TENM2: variants seen among roughly 807,000 people sequenced by gnomAD.
The protein encoded by TENM2 is teneurin-2.
A neutral mutation model predicts 245.2 loss-of-function variants in TENM2; 52 were observed. The observed-to-expected ratio is 0.21, with a 90% confidence interval of 0.17 to 0.27. The LOEUF is 0.27. TENM2 is among the 10% of genes least tolerant of loss of function. The probability of loss-of-function intolerance (pLI) is 1.00; values close to 1 mark genes in which losing one functional copy is unlikely to be tolerated. For missense variants in TENM2, 3,046 were observed against 3,666.8 expected (o/e 0.83, Z 4.37); for synonymous variants, 1,363 against 1,438.9 (o/e 0.95, Z 1.19).
chr5:167,542,950 T>G (rs1406200868), intron 2 of TENM2, among the ~76,000 whole-genome samples: 1 of 152,184 alleles, frequency 6.6e-6, no homozygotes, highest in East Asian at 1.9e-4. Context: ...ATGACTATAT[T>G]TGTCTCCAAG....
At chr5:168,200,093 C>T (rs779636997) in exon 17 of TENM2, 11 of 1,613,564 alleles carry the variant, frequency 6.8e-6, no homozygotes, top group Admixed American at 5.0e-5. Context: ...AAGACAGATG[C>T]GTATGGCCAA....
chr5:166,996,015 T>A, the TENM2 span, among the ~76,000 whole-genome samples: 5 of 151,856 alleles, frequency 3.3e-5, no homozygotes, highest in Admixed American at 6.6e-5. Context: ...AATTAAAAAA[T>A]TTGCTATACC....
chr5:168,203,646 T>G, intron 17 of TENM2, 43 bp from the exon 20 acceptor site: 1 of 1,533,328 alleles, frequency 6.5e-7, no homozygotes, highest in Non-Finnish European at 8.9e-7. Context: ...TCAAGTAAAC[T>G]CTCTCTTTTC....
intron 2 of TENM2, among the ~76,000 whole-genome samples, chr5:167,564,469 A>AG: frequency 1.3e-5 from 2 of 152,286 alleles, no homozygotes; most frequent in East Asian, 3.9e-4. Context: ...GATGGCTTTG[A>AG]GGAGGAGTAA....
intron 2 of TENM2, among the ~76,000 whole-genome samples, chr5:167,616,493 C>T (rs1268856842): frequency 6.6e-6 from 1 of 152,016 alleles, no homozygotes; most frequent in Non-Finnish European, 1.5e-5. Context: ...TCCTGAAAAC[C>T]CTCTTTTGGT....
At chr5:167,816,864 T>C (rs1049675461) in intron 2 of TENM2, among the ~76,000 whole-genome samples, 1 of 152,176 alleles carries the variant, frequency 6.6e-6, no homozygotes, top group Non-Finnish European at 1.5e-5. Flanking sequence ...GTTCAACTTA[T>C]TGCTGGCTCT....
At chr5:167,110,593 G>A in the TENM2 span, among the ~76,000 whole-genome samples, 5 of 152,152 alleles carry the variant, frequency 3.3e-5, no homozygotes, top group Non-Finnish European at 7.4e-5. Context: ...TAATTGATTG[G>A]GTAGTAAGTA....
the TENM2 span, among the ~76,000 whole-genome samples, chr5:167,238,847 T>A: frequency 6.6e-6 from 1 of 152,218 alleles, no homozygotes; most frequent in Non-Finnish European, 1.5e-5. Context: ...TGATCATAGA[T>A]TAAAGTTGCT....
At chr5:167,709,727 C>A (rs1430072694) in intron 2 of TENM2, among the ~76,000 whole-genome samples, 1 of 152,134 alleles carries the variant, frequency 6.6e-6, no homozygotes, top group Non-Finnish European at 1.5e-5. Context: ...TGTTGACACC[C>A]CAAAGTTTTA....
chr5:167,432,842 T>C (rs1273203761), intron 2 of TENM2, among the ~76,000 whole-genome samples: 1 of 152,140 alleles, frequency 6.6e-6, no homozygotes, highest in African/African-American at 2.4e-5. Flanking sequence ...AGATGGAATA[T>C]AACCCTTGAC....
chr5:167,963,706 G>C (rs1257960092), intron 4 of TENM2, among the ~76,000 whole-genome samples: 1 of 152,108 alleles, frequency 6.6e-6, no homozygotes, highest in East Asian at 1.9e-4. Context: ...TGGGGAGTGG[G>C]TCCTTTCCTC....
chr5:168,258,619 G>A (rs1767903744), intron 27 of TENM2, among the ~76,000 whole-genome samples: 2 of 152,184 alleles, frequency 1.3e-5, no homozygotes, highest in African/African-American at 4.8e-5. Flanking sequence ...ATCATGCTGA[G>A]TGAAAGAAGC....
chr5:167,178,770 TCAA>T, the TENM2 span, among the ~76,000 whole-genome samples: 1 of 152,124 alleles, frequency 6.6e-6, no homozygotes, highest in African/African-American at 2.4e-5. Flanking sequence ...GTCAAGTATC[TCAA>T]CAGAGGGAAA....
exon 1 of TENM2, chr5:167,284,799 CT>C: frequency 6.7e-7 from 1 of 1,498,394 alleles, no homozygotes. Flanking sequence ...TCAGGCCTGA[CT>C]TTTCTGAAAA....
intron 2 of TENM2, among the ~76,000 whole-genome samples, chr5:167,385,795 A>G (rs1761393882): frequency 6.6e-6 from 1 of 151,516 alleles, no homozygotes. Flanking sequence ...ACTTAGAATA[A>G]TGCTGTGAAA....
chr5:167,246,167 C>G, the TENM2 span, among the ~76,000 whole-genome samples: 38,167 of 151,970 alleles, frequency 0.25, 5,654 homozygotes, highest in East Asian at 0.46. Flanking sequence ...GGGACACAGA[C>G]TTTCCCAAGT....
At chr5:167,914,206 A>G (rs1776756767) in intron 3 of TENM2, among the ~76,000 whole-genome samples, 1 of 152,228 alleles carries the variant, frequency 6.6e-6, no homozygotes, top group South Asian at 2.1e-4. Flanking sequence ...AAATTACCAC[A>G]GTGATGTGGC....
At chr5:167,810,220 G>A (rs893655454) in intron 2 of TENM2, among the ~76,000 whole-genome samples, 1 of 151,976 alleles carries the variant, frequency 6.6e-6, no homozygotes, top group African/African-American at 2.4e-5. Context: ...TGCATACTCT[G>A]GGAGAAAAAG....
At chr5:167,494,375 T>C (rs746859838) in intron 2 of TENM2, among the ~76,000 whole-genome samples, 5 of 152,160 alleles carry the variant, frequency 3.3e-5, no homozygotes, top group Non-Finnish European at 5.9e-5. Context: ...ACTTTGTCAG[T>C]AGACAATAGG....
Sources: gnomAD v4.1 joint callset for allele counts (sites outside exome capture counted in the v4.1 genomes callset) on GRCh38, gnomAD v4.1.1 for gene constraint, MANE v1.5 for transcripts, NCBI Gene and HGNC (gene_info 2026-07-23, HGNC 2026-07-21) for gene names.